EMCN: variants seen among roughly 807,000 people sequenced by gnomAD.
EMCN encodes the protein endomucin.
In EMCN, 37 loss-of-function variants were observed where a neutral mutation model predicts 38.4. The ratio of observed to expected loss-of-function variants is 0.96; its 90% CI spans 0.74 to 1.27. EMCN has a LOEUF of 1.27. Among genes scored for constraint, EMCN ranks in the 50% most tolerant of loss-of-function variants. The pLI is 0.00. For missense variants in EMCN, 318 were observed against 302.8 expected (o/e 1.05, Z -0.37); for synonymous variants, 95 against 100.8 (o/e 0.94, Z 0.35).
rs865999847 is a variant in EMCN at position 100,397,349 on chromosome 4, G to T, written c.*1064C>A. 2 of 152,120 alleles carry T rather than the reference G, an allele frequency of 1.3e-5. No homozygotes were observed. The highest frequency in any genetic ancestry group is 2.1e-4 in the South Asian group (1 of 4,832). 9.4% of individuals were successfully genotyped at this position (152,120 alleles called of 1,614,324 possible). On this transcript the variant is annotated 3_prime_UTR_variant, in exon 12 of 12. Coordinates refer to ENST00000296420, the MANE Select transcript of EMCN (RefSeq NM_016242.4). ...CAGTTAGCTTTTAACAGAAGAATTT[G>T]CTCCTGATGGAGTGGCAGCTATAAT...
intron 1 of EMCN, 101 bp from the exon 2 acceptor site, chr4:100,480,140 G>A: frequency 9.9e-7 from 1 of 1,005,246 alleles, no homozygotes. Context: ...ATGTGAATTT[G>A]CAACCAATTT....
At chr4:100,443,323 A>G (rs564651394) in intron 5 of EMCN, among the ~76,000 whole-genome samples, 3 of 152,330 alleles carry the variant, frequency 2.0e-5, no homozygotes, top group Admixed American at 2.0e-4. Context: ...TTCAAACTCT[A>G]GTAGGGGAAG....
In EMCN at chr4:100,428,760, A is replaced by G. The variant is rs560402460; in HGVS notation, c.416-5356T>C. ...GTGATATTATTATTTTTTCTCATTC[A>G]TTCGACAACAACAAAAATAGAGACC... On this transcript the variant is annotated intron_variant, in intron 5 of 11. Coordinates refer to ENST00000296420, the MANE Select transcript of EMCN (RefSeq NM_016242.4). 2.0e-5 allele frequency among the ~76,000 whole-genome samples: 3 copies of G among 152,266 alleles called. No homozygotes were observed. The South Asian group carries it at 6.2e-4, about 32-fold the overall frequency.
chr4:100,452,078 G>A (rs1417368974), intron 4 of EMCN, among the ~76,000 whole-genome samples: 1 of 151,938 alleles, frequency 6.6e-6, no homozygotes, highest in Non-Finnish European at 1.5e-5. Context: ...CTCTTGGCAT[G>A]ATTGAAGTGC....
In EMCN at chr4:100,417,107, G is replaced by A. The variant is rs766228797; in HGVS notation, c.689+10C>T. ...AGGGTCTAAACAAAAGATGATATGG[G>A]CTTACTTACTGATCATTTCCATTTT... On this transcript the variant is annotated intron_variant, in intron 9 of 11. Transcript: ENST00000296420. The A allele has an allele frequency of 7.4e-6, 12 of 1,613,172 alleles. No individual in the cohort carries two copies. Among genetic ancestry groups the A allele is most frequent in the Non-Finnish European group, 1.0e-5 (12 of 1,179,296 alleles).
chr4:100,401,168 G>A (rs1726247820), intron 11 of EMCN, among the ~76,000 whole-genome samples: 1 of 151,946 alleles, frequency 6.6e-6, no homozygotes, highest in Non-Finnish European at 1.5e-5. Flanking sequence ...AATTCATTCA[G>A]GATTATAGAG....
intron 1 of EMCN, among the ~76,000 whole-genome samples, chr4:100,495,279 A>G (rs912652738): frequency 3.3e-5 from 5 of 152,114 alleles, no homozygotes; most frequent in Admixed American, 3.3e-4. Context: ...CTGAGTCACA[A>G]TAATGAGTTT....
intron 3 of EMCN, among the ~76,000 whole-genome samples, chr4:100,472,227 A>G (rs1418240242): frequency 6.6e-6 from 1 of 152,046 alleles, no homozygotes. Flanking sequence ...ACATATACAC[A>G]CACACAAATT....
At chr4:100,476,572 T>A (rs907446992) in intron 2 of EMCN, among the ~76,000 whole-genome samples, 2 of 152,204 alleles carry the variant, frequency 1.3e-5, no homozygotes, top group African/African-American at 2.4e-5. Flanking sequence ...AGTCAATAAA[T>A]GTTTATAATA....
intron 1 of EMCN, among the ~76,000 whole-genome samples, chr4:100,481,911 T>C (rs948404248): frequency 2.6e-5 from 4 of 151,672 alleles, no homozygotes; most frequent in Non-Finnish European, 5.9e-5. Context: ...CCTCCCTCTT[T>C]CCTTCTTTCT....
At chr4:100,470,937 G>A (rs879645645) in intron 3 of EMCN, among the ~76,000 whole-genome samples, 26 of 151,768 alleles carry the variant, frequency 1.7e-4, no homozygotes, top group South Asian at 4.1e-4. Context: ...CAAAATTTAC[G>A]GAATGCAGAG....
intron 5 of EMCN, among the ~76,000 whole-genome samples, chr4:100,424,173 TTAAG>T (rs1322259919): frequency 2.6e-5 from 4 of 151,330 alleles, no homozygotes; most frequent in African/African-American, 7.2e-5. Flanking sequence ...ATATAAATAA[TTAAG>T]TATTGTATAA....
At position 100,445,161 on chromosome 4, in the gene EMCN, A is replaced by T. The variant is rs557593750; in HGVS notation, c.415+2372T>A. Among the ~76,000 whole-genome samples the T allele has an allele frequency of 5.5e-4, 83 of 152,164 alleles. No homozygotes were observed. In the South Asian group the frequency reaches 0.017, roughly 31 times the overall value. ...CTTTCCTTTAGTTATTTTGATCAAG[A>T]TGTAGTTGCTTATTCATTATTTTTA... is the stretch of plus-strand genomic sequence containing the variant. On this transcript the variant is annotated intron_variant, in intron 5 of 11. Coordinates refer to ENST00000296420, the MANE Select transcript of EMCN (RefSeq NM_016242.4).
intron 10 of EMCN, among the ~76,000 whole-genome samples, chr4:100,411,781 A>T (rs1431082066): frequency 6.6e-6 from 1 of 152,232 alleles, no homozygotes; most frequent in Non-Finnish European, 1.5e-5. Flanking sequence ...TTAATTTGCC[A>T]AATTAACAAC....
At chr4:100,479,082 C>A (rs1578221576) in intron 2 of EMCN, among the ~76,000 whole-genome samples, 1 of 152,272 alleles carries the variant, frequency 6.6e-6, no homozygotes, top group East Asian at 1.9e-4. Context: ...AGCGAACTAG[C>A]TTTCATTGGT....
intron 10 of EMCN, among the ~76,000 whole-genome samples, chr4:100,414,929 C>G (rs1193448267): frequency 6.6e-6 from 1 of 152,022 alleles, no homozygotes; most frequent in Non-Finnish European, 1.5e-5. Context: ...TTTATGAAGT[C>G]TCGCTCCTTT....
intron 5 of EMCN, among the ~76,000 whole-genome samples, chr4:100,423,619 T>G (rs909940247): frequency 6.6e-6 from 1 of 152,144 alleles, no homozygotes; most frequent in Non-Finnish European, 1.5e-5. Flanking sequence ...GAGTATCAGT[T>G]TTACATCTTC....
chr4:100,474,360 T>C (rs1185582067), intron 3 of EMCN, among the ~76,000 whole-genome samples: 1 of 151,984 alleles, frequency 6.6e-6, no homozygotes, highest in Admixed American at 6.6e-5. Context: ...GACAGACAAG[T>C]GTTAGCTAGA....
At chr4:100,445,029 C>A (rs1282278702) in intron 5 of EMCN, among the ~76,000 whole-genome samples, 2 of 152,106 alleles carry the variant, frequency 1.3e-5, no homozygotes, top group Non-Finnish European at 2.9e-5. Context: ...TTGAGTTGAT[C>A]CCAACTAGGG....
Sources: allele counts gnomAD v4.1 joint callset (sites outside exome capture counted in the v4.1 genomes callset), GRCh38; gene constraint gnomAD v4.1.1; transcripts MANE v1.5; gene names NCBI Gene and HGNC (gene_info 2026-07-23, HGNC 2026-07-21).